The following KCNIP4 variants were observed in gnomAD, a reference collection of about 807,000 sequenced individuals.
KCNIP4 encodes the protein potassium voltage-gated channel interacting protein 4.
Under a neutral mutation model 34.0 loss-of-function variants are expected in KCNIP4, and 12 were observed. The ratio of observed to expected loss-of-function variants is 0.35; its 90% CI spans 0.23 to 0.57. The LOEUF (loss-of-function observed/expected upper bound fraction) is 0.57. Among genes scored for constraint, KCNIP4 ranks in the 20% least tolerant of loss-of-function variants. The probability of loss-of-function intolerance (pLI) is 0.83; values close to 1 mark genes in which losing one functional copy is unlikely to be tolerated. For synonymous variants in KCNIP4, 124 were observed against 102.2 expected, an observed-to-expected ratio of 1.21 and a Z score of -1.29; for missense variants, 238 against 311.7, an observed-to-expected ratio of 0.76 and a Z score of 1.78.
At chr4:21,498,998 T>G (rs1252758929) in intron 1 of KCNIP4, among the ~76,000 whole-genome samples, 1 of 152,206 alleles carries the variant, frequency 6.6e-6, no homozygotes, top group African/African-American at 2.4e-5. Context: ...TTGCTATTTA[T>G]GTACTAAAAT....
chr4:20,977,643 C>T (rs1305511467), intron 1 of KCNIP4, among the ~76,000 whole-genome samples: 1 of 152,096 alleles, frequency 6.6e-6, no homozygotes, highest in African/African-American at 2.4e-5. Flanking sequence ...ATTGCCAGGT[C>T]CAAGCAGAAA....
intron 1 of KCNIP4, among the ~76,000 whole-genome samples, chr4:20,902,420 A>T (rs574845322): frequency 6.6e-6 from 1 of 152,296 alleles, no homozygotes; most frequent in Non-Finnish European, 1.5e-5. Flanking sequence ...TACCCAGTTT[A>T]GTTCTCTAGC....
At chr4:21,456,857 G>T (rs62295497) in intron 1 of KCNIP4, among the ~76,000 whole-genome samples, 46,016 of 151,868 alleles carry the variant, frequency 0.3, 7,955 homozygotes, top group Non-Finnish European at 0.39. Context: ...GCATGAATTT[G>T]CAGATTCCCA....
intron 1 of KCNIP4, among the ~76,000 whole-genome samples, chr4:21,256,475 T>C (rs1427597917): frequency 6.6e-6 from 1 of 150,762 alleles, no homozygotes; most frequent in Non-Finnish European, 1.5e-5. Flanking sequence ...GGTGCACACC[T>C]GTAGTTCCAG....
intron 3 of KCNIP4, among the ~76,000 whole-genome samples, chr4:20,794,031 G>C (rs1302366653): frequency 6.6e-6 from 1 of 152,140 alleles, no homozygotes; most frequent in African/African-American, 2.4e-5. Flanking sequence ...TTAAAAAGTA[G>C]ATTTCCCCTG....
At chr4:21,692,317 G>GT (rs1711748864) in intron 1 of KCNIP4, among the ~76,000 whole-genome samples, 2 of 152,256 alleles carry the variant, frequency 1.3e-5, no homozygotes, top group South Asian at 4.1e-4. Context: ...TAAGTGTTTT[G>GT]TTTGTTTAAA....
intron 1 of KCNIP4, among the ~76,000 whole-genome samples, chr4:21,733,034 CA>C (rs2109114868): frequency 6.6e-6 from 1 of 152,204 alleles, no homozygotes; most frequent in Non-Finnish European, 1.5e-5. Flanking sequence ...AAAACTTTCA[CA>C]AACTGTACTC....
At chr4:21,167,111 C>A (rs1232868324) in intron 1 of KCNIP4, among the ~76,000 whole-genome samples, 6 of 151,812 alleles carry the variant, frequency 4.0e-5, no homozygotes, top group Middle Eastern at 3.2e-3. Flanking sequence ...TAAAAGGGTA[C>A]ACATTGTGTG....
chr4:21,807,085 G>A (rs1043154852), intron 1 of KCNIP4, among the ~76,000 whole-genome samples: 1 of 151,938 alleles, frequency 6.6e-6, no homozygotes, highest in African/African-American at 2.4e-5. Flanking sequence ...TTCTCATAAG[G>A]AGCATGCAAC....
intron 1 of KCNIP4, among the ~76,000 whole-genome samples, chr4:20,989,815 A>G (rs938379341): frequency 6.6e-6 from 1 of 152,144 alleles, no homozygotes; most frequent in African/African-American, 2.4e-5. Context: ...CAAAAATTGC[A>G]AAAGTTAGCT....
At chr4:21,598,004 G>A (rs987896488) in intron 1 of KCNIP4, among the ~76,000 whole-genome samples, 69 of 152,106 alleles carry the variant, frequency 4.5e-4, no homozygotes, top group African/African-American at 1.6e-3. Context: ...TGATTCAGTT[G>A]GGAGGGTAAA....
At chr4:21,718,362 T>C (rs76109837) in intron 1 of KCNIP4, 5 of 152,202 alleles carry the variant, frequency 3.3e-5, no homozygotes, top group African/African-American at 1.2e-4. Flanking sequence ...TTGTATATGG[T>C]TGCTAGTTTT....
chr4:21,558,361 G>T (rs543697699), intron 1 of KCNIP4, among the ~76,000 whole-genome samples: 1 of 151,910 alleles, frequency 6.6e-6, no homozygotes, highest in Non-Finnish European at 1.5e-5. Context: ...GTGTGGTGGC[G>T]TATGCCTATA....
At chr4:21,398,314 G>A (rs951043350) in intron 1 of KCNIP4, among the ~76,000 whole-genome samples, 4 of 152,250 alleles carry the variant, frequency 2.6e-5, no homozygotes, top group Middle Eastern at 3.4e-3. Flanking sequence ...GATTCATTAC[G>A]TTAAAATTGA....
At chr4:21,061,007 C>T (rs74699764) in intron 1 of KCNIP4, among the ~76,000 whole-genome samples, 20,991 of 152,068 alleles carry the variant, frequency 0.14, 1,685 homozygotes, top group East Asian at 0.23. Context: ...AAGATATGCA[C>T]GTCTTTTAAA....
intron 1 of KCNIP4, among the ~76,000 whole-genome samples, chr4:21,224,600 T>TTTTA (rs1758232585): frequency 7.0e-6 from 1 of 142,958 alleles, no homozygotes; most frequent in African/African-American, 2.7e-5. Flanking sequence ...TTTTTTTTTT[T>TTTTA]TTTTCAGATG....
intron 1 of KCNIP4, among the ~76,000 whole-genome samples, chr4:20,903,134 C>A (rs976241985): frequency 3.3e-5 from 5 of 152,122 alleles, no homozygotes; most frequent in African/African-American, 1.2e-4. Context: ...ATAGAGCTAA[C>A]AAATTCTTAA....
chr4:20,805,041 C>T (rs1433779699), intron 3 of KCNIP4, among the ~76,000 whole-genome samples: 1 of 151,992 alleles, frequency 6.6e-6, no homozygotes, highest in Non-Finnish European at 1.5e-5. Flanking sequence ...GGGTCTGTAT[C>T]CCACATGCTT....
At chr4:21,748,793 T>C (rs1033341306) in intron 1 of KCNIP4, among the ~76,000 whole-genome samples, 8 of 152,064 alleles carry the variant, frequency 5.3e-5, no homozygotes, top group Non-Finnish European at 4.4e-5. Context: ...GGCAGCTTTT[T>C]AGTGTTTCTG....
Sources: allele counts gnomAD v4.1 joint callset (sites outside exome capture counted in the v4.1 genomes callset), GRCh38; gene constraint gnomAD v4.1.1; transcripts MANE v1.5; gene names NCBI Gene and HGNC (gene_info 2026-07-23, HGNC 2026-07-21).